Variants in ADAP1 observed in about 807,000 individuals in gnomAD.
ADAP1 encodes ArfGAP with dual PH domains 1.
Under a neutral mutation model 54.9 loss-of-function variants are expected in ADAP1, and 31 were observed. The ratio of observed to expected loss-of-function variants is 0.56; its 90% CI spans 0.42 to 0.76. The LOEUF (loss-of-function observed/expected upper bound fraction) is 0.76, where lower values mean the gene tolerates loss of function less well. Ranked by LOEUF, ADAP1 falls within the 30% of genes least tolerant of loss-of-function variation. ADAP1 has a pLI of 0.00. For missense variants in ADAP1, 535 were observed against 512.4 expected (o/e 1.04, Z -0.42); for synonymous variants, 313 against 202.6 (o/e 1.55, Z -4.63).
intron 4 of ADAP1, chr7:905,675 G>GGAAAGGAGAAAGGAGAAAGGAGAAAGGA (rs1562912593): frequency 2.9e-5 from 2 of 68,714 alleles, no homozygotes; most frequent in South Asian, 2.9e-4. Context: ...AAGGAGAAAG[G>GGAAAGGAGAAAGGAGAAAGGAGAAAGGA]GAAAGGAGAA....
chr7:914,965 C>G (rs780242962), intron 4 of ADAP1, among the ~76,000 whole-genome samples: 2 of 145,356 alleles, frequency 1.4e-5, no homozygotes, highest in African/African-American at 5.2e-5. Flanking sequence ...CAGGGCCATA[C>G]GACTCAGCAC....
intron 4 of ADAP1, among the ~76,000 whole-genome samples, chr7:915,715 C>G (rs560940960): frequency 1.3e-5 from 2 of 152,280 alleles, no homozygotes; most frequent in East Asian, 3.9e-4. Context: ...TGGGCAGCCT[C>G]GGGCCTGGGG....
chr7:928,214 T>C (rs1846452250), intron 2 of ADAP1, among the ~76,000 whole-genome samples: 1 of 148,228 alleles, frequency 6.7e-6, no homozygotes, highest in Non-Finnish European at 1.5e-5. Flanking sequence ...AACAAGACCA[T>C]GTCTCCACTG....
In ADAP1 at chr7:900,662, G is replaced by A. The variant is rs370178237; in HGVS notation, c.649-46C>T. 95 of 1,354,180 alleles carry A rather than the reference G, an allele frequency of 7.0e-5. No homozygotes were observed. The African/African-American group carries it at 1.4e-3, about 20-fold the overall frequency. The allele number at this position is 1,354,180 out of a possible 1,614,324, so 83.9% of individuals were successfully genotyped here. On this transcript the variant is annotated intron_variant, in intron 6 of 10. Transcript: ENST00000265846. Reference sequence around the variant, plus strand: ...AGGCTTGGGCTGAGGAGGCTGCAGCGCTGGGGTCCCCACAGAGGGGCTGGG... The same window carrying A: ...AGGCTTGGGCTGAGGAGGCTGCAGCACTGGGGTCCCCACAGAGGGGCTGGG...
At chr7:900,659 AGCGCTGGGGTCCCCACAGAG>A (rs537905515) in intron 6 of ADAP1, 43 bp from the exon 7 acceptor site, 65,166 of 1,478,968 alleles carry the variant, frequency 0.044, 2,230 homozygotes, top group Non-Finnish European at 0.049. Flanking sequence ...AGGAGGCTGC[AGCGCTGGGGTCCCCACAGAG>A]GGGCTGGGGT....
intron 1 of ADAP1, among the ~76,000 whole-genome samples, chr7:947,346 C>T (rs575522069): frequency 3.3e-5 from 5 of 151,834 alleles, no homozygotes; most frequent in South Asian, 4.2e-4. Flanking sequence ...TGTGAGCCAC[C>T]GCGCCTGACC....
intron 1 of ADAP1, among the ~76,000 whole-genome samples, chr7:953,068 C>G (rs1004230607): frequency 6.6e-6 from 1 of 152,004 alleles, no homozygotes; most frequent in Non-Finnish European, 1.5e-5. Context: ...CTCCCCTCCC[C>G]GTGGGCCACA....
intron 6 of ADAP1, chr7:901,238 G>A: frequency 2.8e-6 from 1 of 355,406 alleles, no homozygotes; most frequent in Admixed American, 3.8e-5. Flanking sequence ...TCTGGGTCTA[G>A]ACTTCAGCCT....
At chr7:904,993 C>T (rs1035930660) in intron 5 of ADAP1, 67 bp downstream of exon 5, 44 of 1,393,842 alleles carry the variant, frequency 3.2e-5, no homozygotes, top group Middle Eastern at 1.9e-4. Flanking sequence ...CCACCACAGG[C>T]CCCAGTGTGG....
intron 4 of ADAP1, among the ~76,000 whole-genome samples, chr7:911,666 T>A (rs1319696563): frequency 5.8e-3 from 1 of 172 alleles, no homozygotes; most frequent in Admixed American, 0.036. Context: ...GGGGCGGGGG[T>A]CCCACGGAGG....
chr7:932,861 G>A (rs1399792061), intron 2 of ADAP1, among the ~76,000 whole-genome samples: 1 of 152,236 alleles, frequency 6.6e-6, no homozygotes. Context: ...ACGGCATTAA[G>A]TGCAGAAGCT....
chr7:921,282 C>T (rs1420262230), intron 3 of ADAP1, among the ~76,000 whole-genome samples: 4 of 152,204 alleles, frequency 2.6e-5, no homozygotes, highest in African/African-American at 9.7e-5. Flanking sequence ...CCAGGACAAC[C>T]TCACAACCTT....
At chr7:954,887 A>G (rs900772292), upstream of ADAP1, among the ~76,000 whole-genome samples, 20 of 151,832 alleles carry the variant, frequency 1.3e-4, no homozygotes, top group Admixed American at 5.9e-4. Context: ...AGGCCGCCCC[A>G]AAACCTGGCC....
rs1393163978 is a variant in ADAP1 at position 904,182 on chromosome 7, T to C, written c.592A>G (p.Thr198Ala). Residue 198 changes from threonine (T) to alanine (A), a missense_variant, in exon 6 of 11, where the codon ACC (threonine) becomes GCC (alanine). Thr to Ala is a moderately conservative substitution (Grantham distance 58). Transcript: ENST00000265846. ...CGGGTGCTGTTGTCCTTCAGGTAGG[T>C]GACCTGCAGGCCGTGGGGGTGGCCG... ...KIGHPHGLQV[T>A]YLKDNSTRNI... 1.2e-6 allele frequency: 2 copies of C among 1,612,278 alleles called. No homozygotes were observed. Among genetic ancestry groups the C allele is most frequent in the South Asian group, 1.1e-5 (1 of 91,082 alleles).
chr7:910,039 C>G (rs1845658012), intron 4 of ADAP1, among the ~76,000 whole-genome samples: 1 of 151,662 alleles, frequency 6.6e-6, no homozygotes, highest in Non-Finnish European at 1.5e-5. Context: ...ATCGCCATGA[C>G]CCACGAGAAC....
At position 906,708 on chromosome 7, in the gene ADAP1, A is replaced by G. The variant is rs1562915328; in HGVS notation, c.389-1536T>C. Among the ~76,000 whole-genome samples, 219 of 28,844 alleles carry G rather than the reference A, an allele frequency of 7.6e-3. 6 individuals carry two copies. The highest frequency in any genetic ancestry group is 0.012 in the East Asian group (5 of 418). The allele number at this position is 28,844 out of a possible 152,430, so 18.9% of individuals were successfully genotyped here. A position where few individuals can be genotyped will look rare whatever the true frequency, so the allele number is the denominator to read the frequency against. ...GACACGGGGGACATGGACATGGGGG[A>G]CGGGACATCGGGGACGGGACATGGG... is the stretch of plus-strand genomic sequence containing the variant. On this transcript the variant is annotated intron_variant, in intron 4 of 10. Coordinates refer to ENST00000265846, the MANE Select transcript of ADAP1 (RefSeq NM_006869.4).
rs1457759697 is a variant in ADAP1 at position 920,987 on chromosome 7, G to A, written c.306-937C>T. 6 of 917,116 alleles carry A rather than the reference G, an allele frequency of 6.5e-6. No individual in the cohort carries two copies. In the East Asian group the frequency reaches 1.6e-4, roughly 24 times the overall value. 56.8% of individuals were successfully genotyped at this position (917,116 alleles called of 1,614,324 possible). A position where few individuals can be genotyped will look rare whatever the true frequency, so the allele number is the denominator to read the frequency against. ...AATCCTCGCCCACAGGATCTGATGG[G>A]TGATGGGTCCCAGCTGGGTCTCTGG... On this transcript the variant is annotated intron_variant, in intron 3 of 10. Transcript: ENST00000265846. The surrounding 1 kb of genome is among the most constrained non-coding windows in gnomAD (Gnocchi z 4.5).
In ADAP1 at chr7:946,960, C is replaced by T. The variant is rs923864322; in HGVS notation, c.82+7436G>A. Among the ~76,000 whole-genome samples, 14 of 152,144 alleles carry T rather than the reference C, an allele frequency of 9.2e-5. No homozygotes were observed. The highest frequency in any genetic ancestry group is 3.8e-4 in the East Asian group (2 of 5,196). On this transcript the variant is annotated intron_variant, in intron 1 of 10. Transcript: ENST00000265846. This position sits in a 1 kb window ranked among gnomAD's most constrained non-coding sequence, Gnocchi z 4.3. The stretch of plus-strand genomic sequence containing the variant: ...CAGCCTGGGCAACATAGTGAGACAC[C>T]GCGACTCCATCCTTATGAAAAAATT...
At chr7:907,970 G>A (rs1386221397) in intron 4 of ADAP1, among the ~76,000 whole-genome samples, 3 of 151,902 alleles carry the variant, frequency 2.0e-5, no homozygotes, top group South Asian at 2.1e-4. Flanking sequence ...CCCAGTGTCC[G>A]TGGGCCCTTC....
Sources: gnomAD v4.1 joint callset for allele counts (sites outside exome capture counted in the v4.1 genomes callset) on GRCh38, gnomAD v4.1.1 for gene constraint, Gnocchi (gnomAD v3.1) non-coding constraint, MANE v1.5 for transcripts, NCBI Gene and HGNC (gene_info 2026-07-23, HGNC 2026-07-21) for gene names.